PEX10: variants seen among roughly 807,000 people sequenced by gnomAD.
PEX10 encodes peroxisome biogenesis factor 10.
Under a neutral mutation model 38.0 loss-of-function variants are expected in PEX10, and 32 were observed. The observed-to-expected ratio is 0.84, with a 90% CI of 0.63 to 1.13. The LOEUF is 1.13. Among genes scored for constraint, PEX10 ranks in the 50% most tolerant of loss-of-function variants. The pLI, the probability that PEX10 is intolerant of heterozygous loss-of-function variation, is 0.00. For missense variants in PEX10, 483 were observed against 457.7 expected (o/e 1.06, Z -0.51); for synonymous variants, 206 against 207.3 (o/e 0.99, Z 0.05).
At chr1:2,412,613 T>C (rs550288451), upstream of PEX10, 38 of 878,970 alleles carry the variant, frequency 4.3e-5, no homozygotes, top group African/African-American at 2.5e-4. Flanking sequence ...GACCTCTGCG[T>C]CAAGGTGCTG....
Position 2,406,472 on chromosome 1 carries a change from C to A in PEX10, c.912+12G>T, listed in dbSNP as rs1163010318. 6.2e-7 allele frequency: 1 copy of A among 1,610,520 alleles called. No individual in the cohort carries two copies. The highest frequency in any genetic ancestry group is 2.2e-5 in the East Asian group (1 of 44,876). ...CTGACCACCCCAGGACGGCAGCAGG[C>A]TCCCACCTCACCTTGCTGCTGCACC... On this transcript the variant is annotated intron_variant, in intron 5 of 5. Coordinates refer to ENST00000447513, the MANE Select transcript of PEX10 (RefSeq NM_002617.4).
chr1:2,406,449 G>T, intron 5 of PEX10, 35 bp downstream of exon 5: 1 of 1,607,202 alleles, frequency 6.2e-7, no homozygotes, highest in South Asian at 1.1e-5. Context: ...CACAGCCGCT[G>T]ACCACCCCAG....
chr1:2,411,659 C>T (rs1334779598), intron 1 of PEX10, among the ~76,000 whole-genome samples: 1 of 152,104 alleles, frequency 6.6e-6, no homozygotes, highest in Non-Finnish European at 1.5e-5. Flanking sequence ...TTGCCTCAGC[C>T]TCCTGAAGAG....
At chr1:2,406,987 G>A in intron 3 of PEX10, 92 bp from the exon 4 acceptor site, 1 of 1,521,170 alleles carries the variant, frequency 6.6e-7, no homozygotes, top group Non-Finnish European at 8.9e-7. Context: ...TTGGCACAGA[G>A]CACGTTAGAA....
rs1338124684 is a variant in PEX10 at position 2,406,508 on chromosome 1, G to A, written c.888C>T (p.Cys296=). The A allele has an allele frequency of 5.6e-6, 9 of 1,612,870 alleles. No individual in the cohort carries two copies. In the Admixed American group the frequency reaches 6.7e-5, roughly 12 times the overall value. The part of the protein sequence containing the change: ...TPCGHLFCWE[C]ITAWCSSKAE... ...CCTTGCTGCTGCACCACGCGGTGAT[G>A]CACTCCCAGCAGAACAGGTGGCCGC... Residue 296 remains cysteine (C), a synonymous_variant, in exon 5 of 6, where the codon TGC becomes TGT. Coordinates refer to ENST00000447513, the MANE Select transcript of PEX10 (RefSeq NM_002617.4).
In PEX10 at chr1:2,406,878, C is replaced by A; in HGVS notation, c.618G>T (p.Leu206=). The A allele has an allele frequency of 6.2e-7, 1 of 1,609,248 alleles. No individual in the cohort carries two copies. Among genetic ancestry groups the A allele is most frequent in the Non-Finnish European group, 8.5e-7 (1 of 1,178,154 alleles). Residue 206 remains leucine (L), a synonymous_variant, in exon 4 of 6, where the codon CTG becomes CTT. Coordinates refer to ENST00000447513, the MANE Select transcript of PEX10 (RefSeq NM_002617.4). ...CACGGGCCCTCAGGTCCTCTCCGGG[C>A]AGGCTGCGGACACGGAGCTGTAAGG... ...TGITYLRVRS[L]PGEDLRARVS...
rs764599567 is a variant in PEX10, at chr1:2,405,745, C to G, written c.*21G>C. On this transcript the variant is annotated 3_prime_UTR_variant, in exon 6 of 6. Coordinates refer to ENST00000447513, the MANE Select transcript of PEX10 (RefSeq NM_002617.4). ...GACTCCCGTAGAGGTCATCTGTGTC[C>G]AGGCCCACCCGGGCGCCGGCTCAGC... 127 of 1,588,920 alleles carry G rather than the reference C, an allele frequency of 8.0e-5. No homozygotes were observed. The highest frequency in any genetic ancestry group is 1.0e-4 in the Non-Finnish European group (119 of 1,167,886).
chr1:2,411,767 G>T (rs1418719732), intron 1 of PEX10, among the ~76,000 whole-genome samples: 1 of 151,268 alleles, frequency 6.6e-6, no homozygotes, highest in African/African-American at 2.4e-5. Flanking sequence ...CAAACTCCTG[G>T]GCTCAAGCGA....
chr1:2,408,520 G>A lies in PEX10; in HGVS notation c.532C>T (p.His178Tyr), dbSNP rs774949268. Residue 178 changes from histidine to tyrosine, a missense_variant, in exon 3 of 6, where the codon CAT becomes TAT. His to Tyr is a moderately conservative substitution (Grantham distance 83). Coordinates refer to ENST00000447513, the MANE Select transcript of PEX10 (RefSeq NM_002617.4). ...CCGTGGATGTAAAACCAGGCAACAT[G>A]TAGCCGCTGGAGGCAGGCGAGGCCC... ...RQGLACLQRLHVAWFYIHGVF... is the reference protein window; with the variant it reads ...RQGLACLQRLYVAWFYIHGVF... The A allele has an allele frequency of 2.5e-6, 4 of 1,612,898 alleles. No individual in the cohort carries two copies. The highest frequency in any genetic ancestry group is 3.4e-6 in the Non-Finnish European group (4 of 1,180,008).
At position 2,405,414 on chromosome 1, in the gene PEX10, CGAATA is replaced by C. The variant is rs1642966004; in HGVS notation, c.*347_*351del. ...TGGGGCTGTTTTCTCACAATATAAACGAATAAAGTGTCTTCTGGCCTACTTCTGAA... is the reference window on the plus strand; with the variant it reads ...TGGGGCTGTTTTCTCACAATATAAACAAGTGTCTTCTGGCCTACTTCTGAA... On this transcript the variant is annotated 3_prime_UTR_variant, in exon 6 of 6. Coordinates refer to ENST00000447513, the MANE Select transcript of PEX10 (RefSeq NM_002617.4). 2.4e-6 allele frequency: 1 copy of C among 420,126 alleles called. No homozygotes were observed. The highest frequency in any genetic ancestry group is 3.5e-5 in the Admixed American group (1 of 28,368). 26.0% of individuals were successfully genotyped at this position (420,126 alleles called of 1,614,324 possible).
chr1:2,406,990 C>T (rs116579215), intron 3 of PEX10, 95 bp from the exon 4 acceptor site: 9 of 1,513,884 alleles, frequency 5.9e-6, no homozygotes, highest in African/African-American at 1.4e-5. Context: ...GCACAGAGCA[C>T]GTTAGAACCA....
chr1:2,410,444 C>G lies in PEX10; in HGVS notation c.120G>C (p.Arg40Ser). 1.2e-6 allele frequency: 2 copies of G among 1,614,066 alleles called. No homozygotes were observed. The highest frequency in any genetic ancestry group is 2.2e-5 in the South Asian group (2 of 91,084). The part of the protein sequence containing the change: ...GGALHSLAGA[R>S]KWLEWRKEVE... ...CCTCCTTCCTCCACTCCAGCCACTT[C>G]CTCGCACCTGAGAGGAGAAACAGTA... Residue 40 changes from arginine to serine, a missense_variant, in exon 2 of 6, where the codon AGG (arginine) becomes AGC (serine). Arg to Ser is a moderately radical substitution (Grantham distance 110). Transcript: ENST00000447513. The surrounding 1 kb of genome is among the most constrained non-coding windows in gnomAD (Gnocchi z 5.1).
intron 5 of PEX10, among the ~76,000 whole-genome samples, 196 bp from the exon 6 acceptor site, chr1:2,406,030 G>A (rs577664932): frequency 8.8e-4 from 134 of 152,370 alleles, no homozygotes; most frequent in African/African-American, 3.0e-3. Context: ...CGGGGCTGGG[G>A]GCGTAGGGCT....
chr1:2,412,666 G>T (rs1203465649), upstream of PEX10: 4 of 463,508 alleles, frequency 8.6e-6, no homozygotes, highest in African/African-American at 2.1e-5. Context: ...CAGGGCCCGG[G>T]CGGAAGCGGG....
chr1:2,405,616 T>A lies in PEX10; in HGVS notation c.*150A>T. The stretch of plus-strand genomic sequence containing the variant: ...AGCGCAGCCAGGGACAGCTTTCTGT[T>A]CTCTCCCAGGGTGGCTAGGTTAGTA... On this transcript the variant is annotated 3_prime_UTR_variant, in exon 6 of 6. Coordinates refer to ENST00000447513, the MANE Select transcript of PEX10 (RefSeq NM_002617.4). The A allele has an allele frequency of 1.3e-6, 1 of 777,838 alleles. No homozygotes were observed. The highest frequency in any genetic ancestry group is 2.2e-6 in the Non-Finnish European group (1 of 454,164). The allele number at this position is 777,838 out of a possible 1,614,324, so 48.2% of individuals were successfully genotyped here. A position where few individuals can be genotyped will look rare whatever the true frequency, so the allele number is the denominator to read the frequency against.
chr1:2,407,037 G>C, intron 3 of PEX10, 142 bp from the exon 4 acceptor site: 1 of 1,198,858 alleles, frequency 8.3e-7, no homozygotes, highest in Non-Finnish European at 1.2e-6. Context: ...CGGCAGAAAC[G>C]ATCAAGCCAG....
intron 3 of PEX10, 127 bp from the exon 4 acceptor site, chr1:2,407,022 G>T: frequency 7.6e-7 from 1 of 1,324,440 alleles, no homozygotes; most frequent in Non-Finnish European, 1.1e-6. Context: ...GGCATGGGGA[G>T]TGCCCGGCAG....
chr1:2,412,686 C>G (rs567350507), upstream of PEX10: 162 of 390,544 alleles, frequency 4.1e-4, no homozygotes, highest in African/African-American at 3.1e-3. Context: ...GGCTGGAGTC[C>G]GAACCAGCGC....
chr1:2,405,381 A>G lies in PEX10; in HGVS notation c.*385T>C. On this transcript the variant is annotated 3_prime_UTR_variant, in exon 6 of 6. Coordinates refer to ENST00000447513, the MANE Select transcript of PEX10 (RefSeq NM_002617.4). ...CTCATTCAGTCCATTGCCTTAACAC[A>G]AGCCTGATGGGGCTGTTTTCTCACA... The G allele has an allele frequency of 2.7e-6, 1 of 375,950 alleles. No homozygotes were observed. The highest frequency in any genetic ancestry group is 5.1e-6 in the Non-Finnish European group (1 of 194,228). The allele number at this position is 375,950 out of a possible 1,614,324, so 23.3% of individuals were successfully genotyped here. A position where few individuals can be genotyped will look rare whatever the true frequency, so the allele number is the denominator to read the frequency against.
Sources: gnomAD v4.1 joint callset for allele counts (sites outside exome capture counted in the v4.1 genomes callset) on GRCh38, gnomAD v4.1.1 for gene constraint, Gnocchi (gnomAD v3.1) non-coding constraint, MANE v1.5 for transcripts, NCBI Gene and HGNC (gene_info 2026-07-23, HGNC 2026-07-21) for gene names.